The following KIAA1671 variants were observed in gnomAD, a reference collection of about 807,000 sequenced individuals.
KIAA1671 encodes KIAA1671.
KIAA1671 carries 52 observed loss-of-function variants against 131.2 expected under a neutral mutation model. The observed-to-expected ratio is 0.40, with a 90% CI of 0.32 to 0.50. KIAA1671 has a LOEUF of 0.50. KIAA1671 is among the 20% of genes least tolerant of loss of function. The pLI is 0.73. For synonymous variants in KIAA1671, 1,003 were observed against 961.6 expected (o/e 1.04, Z -0.80); for missense variants, 2,360 against 2,364.2 (o/e 1.00, Z 0.04).
intron 6 of KIAA1671, among the ~76,000 whole-genome samples, chr22:25,151,833 G>C (rs1933056260): frequency 6.6e-6 from 1 of 152,066 alleles, no homozygotes; most frequent in African/African-American, 2.4e-5. Context: ...CTGCCTTTCA[G>C]GTTCAAGCAG....
At chr22:24,973,538 C>T (rs541338360) in intron 1 of KIAA1671, among the ~76,000 whole-genome samples, 107 of 147,846 alleles carry the variant, frequency 7.2e-4, no homozygotes, top group African/African-American at 2.7e-3. Context: ...GGGATACAGG[C>T]ATGTGCCACC....
chr22:25,012,854 G>A (rs1164816146), intron 1 of KIAA1671: 1 of 152,172 alleles, frequency 6.6e-6, no homozygotes, highest in East Asian at 1.9e-4. Context: ...CTCCCATGAG[G>A]ATTAGAAAGG....
At chr22:25,034,128 A>G (rs1417672328) in intron 4 of KIAA1671, among the ~76,000 whole-genome samples, 1 of 148,938 alleles carries the variant, frequency 6.7e-6, no homozygotes, top group Non-Finnish European at 1.5e-5. Flanking sequence ...TCACAGCAAC[A>G]TCCACCTCCC....
chr22:25,132,171 G>A (rs1932471208), intron 6 of KIAA1671, among the ~76,000 whole-genome samples: 1 of 152,192 alleles, frequency 6.6e-6, no homozygotes, highest in Non-Finnish European at 1.5e-5. Context: ...TCTGTAAGCA[G>A]GGGCTTGCAT....
intron 6 of KIAA1671, among the ~76,000 whole-genome samples, chr22:25,138,444 G>T (rs746691855): frequency 2.0e-5 from 3 of 152,178 alleles, no homozygotes; most frequent in African/African-American, 4.8e-5. Flanking sequence ...TTGCAGTATG[G>T]TCTGCCTGAC....
intron 6 of KIAA1671, among the ~76,000 whole-genome samples, chr22:25,162,687 A>T (rs977260630): frequency 1.3e-5 from 2 of 152,250 alleles, no homozygotes; most frequent in African/African-American, 4.8e-5. Context: ...TATAGATCAG[A>T]GATCAGCAAA....
chr22:25,009,492 T>G (rs1398039076), intron 1 of KIAA1671, among the ~76,000 whole-genome samples: 1 of 151,770 alleles, frequency 6.6e-6, no homozygotes, highest in Non-Finnish European at 1.5e-5. Context: ...CTCGAACTCC[T>G]GACCTCAGGT....
At chr22:25,020,597 T>C (rs1160177117) in intron 1 of KIAA1671, among the ~76,000 whole-genome samples, 3 of 152,156 alleles carry the variant, frequency 2.0e-5, no homozygotes, top group East Asian at 1.9e-4. Context: ...TCACCAGGTA[T>C]TCCTCAGTGC....
At chr22:25,046,011 A>G (rs372424982) in intron 5 of KIAA1671, among the ~76,000 whole-genome samples, 6 of 151,988 alleles carry the variant, frequency 3.9e-5, no homozygotes, top group South Asian at 2.1e-4. Context: ...TGTGTTAGAA[A>G]CAGGGTTGTG....
chr22:25,010,810 G>T (rs187339528), intron 1 of KIAA1671: 1 of 152,202 alleles, frequency 6.6e-6, no homozygotes, highest in African/African-American at 2.4e-5. Flanking sequence ...AAAATCAAGA[G>T]GAGAGTAGTT....
intron 6 of KIAA1671, among the ~76,000 whole-genome samples, chr22:25,123,190 G>GTTTT (rs59051108): frequency 2.1e-4 from 13 of 63,388 alleles, no homozygotes; most frequent in Admixed American, 1.3e-3. Flanking sequence ...CTGAGATGAG[G>GTTTT]TTTTTTTTTT....
chr22:24,980,311 G>A (rs1392159528), intron 1 of KIAA1671, among the ~76,000 whole-genome samples: 2 of 135,166 alleles, frequency 1.5e-5, no homozygotes, highest in East Asian at 2.2e-4. Flanking sequence ...TTGCTCTGTC[G>A]CCCAGGCTAG....
intron 6 of KIAA1671, chr22:25,112,160 C>T (rs1931396485): frequency 2.5e-6 from 1 of 397,154 alleles, no homozygotes; most frequent in Non-Finnish European, 4.5e-6. Context: ...CTTCTTCCCT[C>T]TCCTCCTGGC....
Position 25,041,146 on chromosome 22 carries a change from C to T in KIAA1671, c.4016C>T (p.Ala1339Val), listed in dbSNP as rs1367825621. 1.9e-6 allele frequency: 3 copies of T among 1,551,098 alleles called. No individual in the cohort carries two copies. The highest frequency in any genetic ancestry group is 1.4e-5 in the African/African-American group (1 of 73,052). ...GCCTTTGCCAGTAAACATCATGTTG[C>T]AAAGTGTCAGAATTACCTGGCTGAG... ...RKAFASKHHV[A>V]KCQNYLAESK... Residue 1339 changes from alanine (A) to valine (V), a missense_variant, in exon 5 of 13, where the codon GCA becomes GTA. Around this residue, in one of 3 missense-constraint regions of KIAA1671, gnomAD observed 1,161 missense variants for 1,204.7 expected, o/e 0.96. Transcript: ENST00000358431.
chr22:25,029,634 C>CT lies in KIAA1671; in HGVS notation c.1541+94_1541+95insT, dbSNP rs2145789178. The CT allele has an allele frequency of 7.7e-6, 7 of 908,690 alleles. No homozygotes were observed. In the South Asian group the frequency reaches 1.3e-4, roughly 16 times the overall value. 56.3% of individuals were successfully genotyped at this position (908,690 alleles called of 1,614,324 possible). A position where few individuals can be genotyped will look rare whatever the true frequency, so the allele number is the denominator to read the frequency against. On this transcript the variant is annotated intron_variant, in intron 3 of 12. Coordinates refer to ENST00000358431, the MANE Select transcript of KIAA1671 (RefSeq NM_001145206.2). The stretch of plus-strand genomic sequence containing the variant: ...GCTCCATGCTGGGCACTTGTCACCC[C>CT]CCCTCAGTTTACCCATAGCCCAAGA...
intron 1 of KIAA1671, among the ~76,000 whole-genome samples, chr22:24,965,717 G>A (rs572419538): frequency 7.3e-6 from 1 of 136,632 alleles, no homozygotes; most frequent in African/African-American, 2.7e-5. Flanking sequence ...TCCAGCTTGG[G>A]CAACAAGAGT....
chr22:24,953,296 A>G (rs946463159), intron 1 of KIAA1671, among the ~76,000 whole-genome samples: 3 of 152,048 alleles, frequency 2.0e-5, no homozygotes, highest in Non-Finnish European at 4.4e-5. Context: ...CTCAGCCTGG[A>G]GCTGCTAGGG....
chr22:25,128,030 C>A (rs972729185), intron 6 of KIAA1671, among the ~76,000 whole-genome samples: 3 of 152,200 alleles, frequency 2.0e-5, no homozygotes, highest in Non-Finnish European at 4.4e-5. Context: ...GGACCTTGGC[C>A]AAGGGCCTCA....
At chr22:25,116,851 T>A (rs1931689845) in intron 6 of KIAA1671, among the ~76,000 whole-genome samples, 2 of 152,220 alleles carry the variant, frequency 1.3e-5, no homozygotes, top group African/African-American at 2.4e-5. Context: ...CACATCAGAA[T>A]GTAAATATGT....
Sources: allele counts gnomAD v4.1 joint callset (sites outside exome capture counted in the v4.1 genomes callset), GRCh38; gene constraint gnomAD v4.1.1; regional missense constraint gnomAD v4.1.1; transcripts MANE v1.5; gene names NCBI Gene and HGNC (gene_info 2026-07-23, HGNC 2026-07-21).